The following SSBP3 variants were observed in gnomAD, a reference collection of about 807,000 sequenced individuals.
SSBP3 encodes single stranded DNA binding protein 3, also known as single-stranded DNA-binding protein 3.
A neutral mutation model predicts 69.6 loss-of-function variants in SSBP3; 5 were observed. That is an observed-to-expected ratio of 0.07 (90% CI 0.04 to 0.15). The LOEUF (loss-of-function observed/expected upper bound fraction) is 0.15, where lower values mean the gene tolerates loss of function less well. Ranked by LOEUF, SSBP3 falls within the 10% of genes least tolerant of loss-of-function variation. The pLI, the probability that SSBP3 is intolerant of heterozygous loss-of-function variation, is 1.00. For missense variants in SSBP3, 312 were observed against 534.0 expected (o/e 0.58, Z 4.10); for synonymous variants, 196 against 193.4 (o/e 1.01, Z -0.11).
At chr1:54,359,711 A>G (rs963093626) in intron 4 of SSBP3, among the ~76,000 whole-genome samples, 1 of 152,164 alleles carries the variant, frequency 6.6e-6, no homozygotes, top group Non-Finnish European at 1.5e-5. Context: ...AAAAACTCCA[A>G]TGTTTAGGGC....
intron 4 of SSBP3, among the ~76,000 whole-genome samples, chr1:54,322,222 G>GAA (rs1049152590): frequency 6.6e-6 from 1 of 152,196 alleles, no homozygotes; most frequent in Middle Eastern, 3.2e-3. Flanking sequence ...GGAAGACACA[G>GAA]AATCAGGCAG....
At chr1:54,248,146 G>A (rs573029979) in intron 9 of SSBP3, among the ~76,000 whole-genome samples, 2 of 152,346 alleles carry the variant, frequency 1.3e-5, no homozygotes, top group South Asian at 4.1e-4. Context: ...AGTGGTCACT[G>A]GCTAAAAGCA....
At chr1:54,325,831 T>C (rs957983950) in intron 4 of SSBP3, among the ~76,000 whole-genome samples, 2 of 152,212 alleles carry the variant, frequency 1.3e-5, no homozygotes, top group African/African-American at 4.8e-5. Context: ...TCTCCTTATT[T>C]TGAAATCCCT....
Position 54,336,865 on chromosome 1 carries a change from A to G in SSBP3, c.277-55338T>C, listed in dbSNP as rs565839144. ...GCCACGTGCGTGGTAACCACCCTGA[A>G]TAGCCAGCTCCCCAAGGACAGGGCT... is the stretch of plus-strand genomic sequence containing the variant. On this transcript the variant is annotated intron_variant, in intron 4 of 17. Transcript: ENST00000610401. Among the ~76,000 whole-genome samples the G allele has an allele frequency of 3.3e-5, 5 of 152,292 alleles. No homozygotes were observed. The South Asian group carries it at 1.0e-3, about 32-fold the overall frequency.
rs375650985 is a variant in SSBP3 at position 54,337,445 on chromosome 1, C to CA, written c.277-55919dup. On this transcript the variant is annotated intron_variant, in intron 4 of 17. Transcript: ENST00000610401. ...CGCTCCAGTCTCTGACTTCAAGCAG[C>CA]AAAAGGTTGGCTGAACCAAAGCATT... is the stretch of plus-strand genomic sequence containing the variant. Among the ~76,000 whole-genome samples the CA allele has an allele frequency of 3.2e-4, 45 of 142,480 alleles. 1 individual carries two copies. Among genetic ancestry groups the CA allele is most frequent in the African/African-American group, 1.1e-3 (42 of 37,652 alleles). The allele number at this position is 142,480 out of a possible 152,430, so 93.5% of individuals were successfully genotyped here.
At chr1:54,265,032 A>T (rs573499984) in intron 5 of SSBP3, among the ~76,000 whole-genome samples, 1 of 152,318 alleles carries the variant, frequency 6.6e-6, no homozygotes, top group South Asian at 2.1e-4. Context: ...CTTGATAGAC[A>T]ATCCAATTTG....
At chr1:54,398,927 G>C (rs1195520503) in intron 4 of SSBP3, among the ~76,000 whole-genome samples, 1 of 152,162 alleles carries the variant, frequency 6.6e-6, no homozygotes, top group Non-Finnish European at 1.5e-5. Flanking sequence ...ATAGAAAACA[G>C]AAGGTCAGTC....
chr1:54,386,180 G>A (rs1648067682), intron 4 of SSBP3, among the ~76,000 whole-genome samples: 2 of 152,214 alleles, frequency 1.3e-5, no homozygotes, highest in African/African-American at 4.8e-5. Context: ...CAGGGATGCT[G>A]CTGTCCAGTG....
At chr1:54,404,920 A>G (rs565365352) in exon 2 of SSBP3, 1 of 1,612,644 alleles carries the variant, frequency 6.2e-7, no homozygotes, top group African/African-American at 1.3e-5. Flanking sequence ...TCGTAGACGT[A>G]TAAAGCTAAC....
intron 5 of SSBP3, among the ~76,000 whole-genome samples, chr1:54,274,582 G>C (rs1248759856): frequency 6.6e-6 from 1 of 152,070 alleles, no homozygotes; most frequent in African/African-American, 2.4e-5. Context: ...GCCTCCTTTA[G>C]GCTCCAACAT....
intron 14 of SSBP3, among the ~76,000 whole-genome samples, chr1:54,232,377 C>T (rs1261907330): frequency 6.6e-6 from 1 of 152,172 alleles, no homozygotes; most frequent in Non-Finnish European, 1.5e-5. Context: ...CTGCCTCAGC[C>T]TCCTGAATAG....
chr1:54,338,484 T>A (rs7545747), intron 4 of SSBP3, among the ~76,000 whole-genome samples: 1 of 152,024 alleles, frequency 6.6e-6, no homozygotes, highest in Non-Finnish European at 1.5e-5. Flanking sequence ...TCCCGACCCC[T>A]AACCCCACTT....
In SSBP3 at chr1:54,304,022, G is replaced by A. The variant is rs1019408384; in HGVS notation, c.277-22495C>T. Among the ~76,000 whole-genome samples, 17 of 152,260 alleles carry A rather than the reference G, an allele frequency of 1.1e-4. No individual in the cohort carries two copies. In the South Asian group the frequency reaches 3.1e-3, roughly 28 times the overall value. ...TTGCAGAACGAATGATGGGTAGCACGGAGACAGAGGACAGGAGACCGGAGA... is the reference window on the plus strand; with the variant it reads ...TTGCAGAACGAATGATGGGTAGCACAGAGACAGAGGACAGGAGACCGGAGA... On this transcript the variant is annotated intron_variant, in intron 4 of 17. Transcript: ENST00000610401.
At chr1:54,363,855 G>A (rs997228689) in intron 4 of SSBP3, among the ~76,000 whole-genome samples, 7 of 152,204 alleles carry the variant, frequency 4.6e-5, no homozygotes, top group African/African-American at 1.7e-4. Flanking sequence ...TCAGGAACAG[G>A]GTGATTTGCA....
chr1:54,318,961 T>C (rs1646164699), intron 4 of SSBP3, among the ~76,000 whole-genome samples: 1 of 152,146 alleles, frequency 6.6e-6, no homozygotes, highest in Non-Finnish European at 1.5e-5. Context: ...TGAATGGCAA[T>C]TCCCATTCTA....
At chr1:54,354,921 G>T (rs1318555691) in intron 4 of SSBP3, among the ~76,000 whole-genome samples, 5 of 152,192 alleles carry the variant, frequency 3.3e-5, no homozygotes, top group Non-Finnish European at 7.3e-5. Context: ...GAGCAAAGGG[G>T]TAGAAAAGAG....
intron 1 of SSBP3, among the ~76,000 whole-genome samples, chr1:54,411,880 AGACTCCGTCT>A (rs1650002877): frequency 1.4e-5 from 2 of 140,768 alleles, no homozygotes; most frequent in Non-Finnish European, 3.1e-5. Flanking sequence ...GGACAGAGCG[AGACTCCGTCT>A]CAAAAAAAAA....
intron 4 of SSBP3, among the ~76,000 whole-genome samples, chr1:54,308,945 G>C (rs953892973): frequency 1.3e-5 from 2 of 151,936 alleles, no homozygotes; most frequent in Non-Finnish European, 1.5e-5. Context: ...AATCTCTGCA[G>C]AAAAATCTCA....
rs538287804 is a variant in SSBP3 at position 54,273,000 on chromosome 1, G to A, written c.366+8438C>T. ...CCTTCCCCCTTCCCTCCCTCAAAAG[G>A]TTGAAGAGAGGAGTGAGAGTCCCAT... On this transcript the variant is annotated intron_variant, in intron 5 of 17. Coordinates refer to ENST00000610401, the Ensembl canonical transcript of SSBP3. 4.6e-5 allele frequency among the ~76,000 whole-genome samples: 7 copies of A among 152,328 alleles called. No homozygotes were observed. The South Asian group carries it at 1.5e-3, about 32-fold the overall frequency.
Sources: allele counts gnomAD v4.1 joint callset (sites outside exome capture counted in the v4.1 genomes callset), GRCh38; gene constraint gnomAD v4.1.1; transcripts MANE v1.5; gene names NCBI Gene and HGNC (gene_info 2026-07-23, HGNC 2026-07-21).